The following GPR158 variants were observed in gnomAD, a reference collection of about 807,000 sequenced individuals.
The protein encoded by GPR158 is metabotropic glycine receptor.
GPR158 carries 30 observed loss-of-function variants against 78.2 expected under a neutral mutation model. The ratio of observed to expected loss-of-function variants is 0.38; its 90% CI spans 0.29 to 0.52. GPR158 has a LOEUF of 0.52. Among genes scored for constraint, GPR158 ranks in the 20% least tolerant of loss-of-function variants. The pLI is 0.83. For missense variants in GPR158, 1,463 were observed against 1,523.5 expected, an observed-to-expected ratio of 0.96 and a Z score of 0.66; for synonymous variants, 581 against 591.1, an observed-to-expected ratio of 0.98 and a Z score of 0.25.
intron 2 of GPR158, among the ~76,000 whole-genome samples, chr10:25,224,269 T>TA (rs1448430136): frequency 6.6e-5 from 10 of 152,070 alleles, no homozygotes; most frequent in Non-Finnish European, 8.8e-5. Context: ...GTTTGAAGTG[T>TA]AAAAAAACCA....
intron 2 of GPR158, among the ~76,000 whole-genome samples, chr10:25,227,759 A>G (rs1206849346): frequency 6.6e-6 from 1 of 152,170 alleles, no homozygotes; most frequent in Non-Finnish European, 1.5e-5. Flanking sequence ...AAATATACCA[A>G]TTGACTTTAA....
intron 4 of GPR158, among the ~76,000 whole-genome samples, chr10:25,455,118 G>A (rs1252600215): frequency 1.3e-5 from 2 of 152,152 alleles, no homozygotes; most frequent in African/African-American, 4.8e-5. Flanking sequence ...CCAGGATGGG[G>A]AACTTAAATA....
At chr10:25,477,114 T>TA (rs1466837202) in intron 5 of GPR158, among the ~76,000 whole-genome samples, 1 of 152,126 alleles carries the variant, frequency 6.6e-6, no homozygotes, top group African/African-American at 2.4e-5. Context: ...GACTTTTTTT[T>TA]AACTCCATTT....
chr10:25,304,079 G>A (rs1854634101), intron 2 of GPR158, among the ~76,000 whole-genome samples: 1 of 140,930 alleles, frequency 7.1e-6, no homozygotes, highest in African/African-American at 2.4e-5. Flanking sequence ...TCTTTATAAA[G>A]TTTGTAAGTT....
chr10:25,442,891 C>T (rs1732732752), intron 4 of GPR158, among the ~76,000 whole-genome samples: 1 of 152,116 alleles, frequency 6.6e-6, no homozygotes, highest in African/African-American at 2.4e-5. Context: ...ATTCTTCACC[C>T]CACAGCCAGA....
At chr10:25,416,654 T>C (rs914925348) in intron 4 of GPR158, among the ~76,000 whole-genome samples, 13 of 152,174 alleles carry the variant, frequency 8.5e-5, no homozygotes, top group Non-Finnish European at 1.2e-4. Context: ...ATAAGTTTGT[T>C]ACTATAATAC....
At chr10:25,291,820 T>TTA (rs1854440221) in intron 2 of GPR158, among the ~76,000 whole-genome samples, 1 of 151,690 alleles carries the variant, frequency 6.6e-6, no homozygotes, top group South Asian at 2.1e-4. Context: ...CACAAATGAG[T>TTA]TATAAGGCTA....
intron 1 of GPR158, among the ~76,000 whole-genome samples, chr10:25,187,200 C>T (rs1424522570): frequency 1.3e-5 from 2 of 151,794 alleles, no homozygotes; most frequent in Non-Finnish European, 2.9e-5. Flanking sequence ...CTCCTGACCT[C>T]GTGATCCGCC....
At chr10:25,555,205 G>C (rs941909868) in intron 6 of GPR158, among the ~76,000 whole-genome samples, 1 of 152,132 alleles carries the variant, frequency 6.6e-6, no homozygotes, top group Non-Finnish European at 1.5e-5. Flanking sequence ...GGCGATGTGG[G>C]CTCTTTTTTG....
At chr10:25,448,639 G>A (rs1346112014) in intron 4 of GPR158, among the ~76,000 whole-genome samples, 9 of 152,180 alleles carry the variant, frequency 5.9e-5, no homozygotes, top group Non-Finnish European at 8.8e-5. Flanking sequence ...TAGGAGTAGA[G>A]TTTCCTGGCC....
intron 5 of GPR158, among the ~76,000 whole-genome samples, chr10:25,479,735 A>G (rs1835638593): frequency 1.3e-5 from 2 of 152,016 alleles, no homozygotes; most frequent in African/African-American, 4.8e-5. Context: ...GTTCTTTATC[A>G]TTTTATTTCA....
chr10:25,527,108 ATG>A (rs1184576040), intron 5 of GPR158, among the ~76,000 whole-genome samples: 1 of 145,270 alleles, frequency 6.9e-6, no homozygotes, highest in Non-Finnish European at 1.5e-5. Context: ...CTAAACATAT[ATG>A]CACATAATAA....
At chr10:25,529,586 T>A (rs5001528) in intron 5 of GPR158, among the ~76,000 whole-genome samples, 25 of 151,806 alleles carry the variant, frequency 1.6e-4, no homozygotes, top group Non-Finnish European at 3.5e-4. Context: ...TATTTTACTC[T>A]CAGATACAAG....
chr10:25,458,589 T>TG (rs1835320293), intron 4 of GPR158, among the ~76,000 whole-genome samples: 1 of 152,210 alleles, frequency 6.6e-6, no homozygotes, highest in Non-Finnish European at 1.5e-5. Flanking sequence ...TACTGTTGAC[T>TG]GAGCCCCTGC....
intron 7 of GPR158, among the ~76,000 whole-genome samples, chr10:25,574,491 A>G (rs866992394): frequency 4.6e-5 from 7 of 152,214 alleles, no homozygotes; most frequent in Middle Eastern, 3.2e-3. Context: ...AAGGATAAGC[A>G]GTTTGGACCA....
chr10:25,314,055 G>A (rs1246203659), intron 2 of GPR158, among the ~76,000 whole-genome samples: 1 of 151,918 alleles, frequency 6.6e-6, no homozygotes, highest in Non-Finnish European at 1.5e-5. Context: ...AATTTTATGA[G>A]CTGTATTTGT....
chr10:25,314,028 C>T (rs149568763), intron 2 of GPR158, among the ~76,000 whole-genome samples: 56 of 152,088 alleles, frequency 3.7e-4, no homozygotes, highest in African/African-American at 1.0e-3. Flanking sequence ...TATTTTAAAA[C>T]GTTTTATTAT....
chr10:25,298,015 A>G (rs1246988142), intron 2 of GPR158, among the ~76,000 whole-genome samples: 1 of 152,214 alleles, frequency 6.6e-6, no homozygotes, highest in African/African-American at 2.4e-5. Flanking sequence ...CATCTGTATA[A>G]AATGAGTAAA....
intron 7 of GPR158, among the ~76,000 whole-genome samples, chr10:25,574,404 A>T (rs1467620534): frequency 2.0e-5 from 3 of 152,188 alleles, no homozygotes; most frequent in African/African-American, 7.2e-5. Flanking sequence ...ATTCACATAG[A>T]TGCATGAGAA....
Sources: allele counts gnomAD v4.1 joint callset (sites outside exome capture counted in the v4.1 genomes callset), GRCh38; gene constraint gnomAD v4.1.1; transcripts MANE v1.5; gene names NCBI Gene and HGNC (gene_info 2026-07-23, HGNC 2026-07-21).